The following SLIT2 variants were observed in gnomAD, a reference collection of about 807,000 sequenced individuals.
SLIT2 encodes the protein slit homolog 2 protein.
Under a neutral mutation model 185.7 loss-of-function variants are expected in SLIT2, and 41 were observed. The ratio of observed to expected loss-of-function variants is 0.22; its 90% CI spans 0.17 to 0.29. The LOEUF is 0.29. SLIT2 is among the 10% of genes least tolerant of loss of function. The pLI is 1.00. For synonymous variants in SLIT2, 693 were observed against 680.2 expected, an observed-to-expected ratio of 1.02 and a Z score of -0.29; for missense variants, 1,571 against 1,909.0, an observed-to-expected ratio of 0.82 and a Z score of 3.30.
intron 5 of SLIT2, among the ~76,000 whole-genome samples, chr4:20,472,296 A>ATATC (rs1715226896): frequency 5.1e-5 from 1 of 19,674 alleles, no homozygotes; most frequent in Non-Finnish European, 7.5e-5. Flanking sequence ...AGATATATAG[A>ATATC]TATATAGATC....
intron 11 of SLIT2, among the ~76,000 whole-genome samples, chr4:20,515,880 A>T (rs933312592): frequency 1.3e-5 from 2 of 152,128 alleles, no homozygotes; most frequent in African/African-American, 4.8e-5. Flanking sequence ...CAATGGCGCA[A>T]TCTCGGCTCA....
intron 4 of SLIT2, among the ~76,000 whole-genome samples, chr4:20,402,708 C>G (rs560554401): frequency 6.6e-6 from 1 of 151,508 alleles, no homozygotes. Context: ...CAATTTGCCT[C>G]GAGTATTTAA....
At chr4:20,352,567 A>G (rs770306305) in intron 4 of SLIT2, among the ~76,000 whole-genome samples, 4 of 152,190 alleles carry the variant, frequency 2.6e-5, no homozygotes, top group Non-Finnish European at 5.9e-5. Flanking sequence ...CAAATTTATT[A>G]GGGCTCAAGG....
chr4:20,533,082 T>A (rs577621413), intron 17 of SLIT2, among the ~76,000 whole-genome samples: 1 of 152,320 alleles, frequency 6.6e-6, no homozygotes, highest in East Asian at 1.9e-4. Flanking sequence ...GTTAATTTGG[T>A]TGTTTCAACA....
rs888974135 is a variant in SLIT2 at position 20,448,872 on chromosome 4, G to C, written c.396-18880G>C. Among the ~76,000 whole-genome samples, 8 of 152,062 alleles carry C rather than the reference G, an allele frequency of 5.3e-5. No homozygotes were observed. The East Asian group carries it at 1.6e-3, about 29-fold the overall frequency. On this transcript the variant is annotated intron_variant, in intron 4 of 36. Coordinates refer to ENST00000504154, the MANE Select transcript of SLIT2 (RefSeq NM_004787.4). ...AGGATGGTCTCGATCTCTTGACCTCGTGATCCACCTGCCTCAGACTCCCAA... is the reference window on the plus strand; with the variant it reads ...AGGATGGTCTCGATCTCTTGACCTCCTGATCCACCTGCCTCAGACTCCCAA...
At chr4:20,353,995 C>T (rs948844664) in intron 4 of SLIT2, among the ~76,000 whole-genome samples, 6 of 152,016 alleles carry the variant, frequency 3.9e-5, no homozygotes, top group African/African-American at 1.4e-4. Flanking sequence ...ATGTTCATTG[C>T]GTAGGATAAA....
At chr4:20,541,418 G>A (rs1424304605) in intron 19 of SLIT2, 35 bp from the exon 20 acceptor site, 1 of 1,606,250 alleles carries the variant, frequency 6.2e-7, no homozygotes, top group Admixed American at 1.7e-5. Flanking sequence ...TGAAACCCCA[G>A]GCTAAACTGT....
At chr4:20,266,532 A>T (rs1166489516) in intron 3 of SLIT2, among the ~76,000 whole-genome samples, 1 of 152,012 alleles carries the variant, frequency 6.6e-6, no homozygotes, top group East Asian at 1.9e-4. Context: ...GCTGAAATAT[A>T]TCAAAATACT....
chr4:20,489,575 A>G (rs1717588122), intron 8 of SLIT2, among the ~76,000 whole-genome samples: 1 of 152,050 alleles, frequency 6.6e-6, no homozygotes, highest in Non-Finnish European at 1.5e-5. Context: ...CCAGAGGTCA[A>G]GAGTTCCAGA....
chr4:20,526,257 T>G (rs1721281777), intron 15 of SLIT2, among the ~76,000 whole-genome samples: 1 of 152,186 alleles, frequency 6.6e-6, no homozygotes, highest in Non-Finnish European at 1.5e-5. Context: ...TTTATGGATT[T>G]AGTAGATTTG....
intron 4 of SLIT2, among the ~76,000 whole-genome samples, chr4:20,345,631 G>A (rs566517426): frequency 4.9e-4 from 73 of 150,184 alleles, no homozygotes; most frequent in African/African-American, 1.4e-3. Flanking sequence ...CACCTCCCGG[G>A]ATCAAGCAAT....
chr4:20,354,527 A>C (rs925934924), intron 4 of SLIT2, among the ~76,000 whole-genome samples: 2 of 152,174 alleles, frequency 1.3e-5, no homozygotes, highest in African/African-American at 2.4e-5. Context: ...GGCACTAAAA[A>C]TGTTCCAAAG....
At position 20,518,557 on chromosome 4, in the gene SLIT2, G is replaced by GTGTATATA. The variant is rs1271279922; in HGVS notation, c.1059-824_1059-823insGTATATAT. Among the ~76,000 whole-genome samples the GTGTATATA allele has an allele frequency of 4.4e-3, 78 of 17,864 alleles. 13 individuals are homozygous for GTGTATATA. The highest frequency in any genetic ancestry group is 0.019 in the East Asian group (10 of 540). The allele number at this position is 17,864 out of a possible 152,430, so 11.7% of individuals were successfully genotyped here. ...ATGAGCCACTGTGCCCAGCCTATAT[G>GTGTATATA]TATATATATATATATATATATATAT... On this transcript the variant is annotated intron_variant, in intron 11 of 36. Coordinates refer to ENST00000504154, the MANE Select transcript of SLIT2 (RefSeq NM_004787.4).
chr4:20,472,265 TAG>T (rs370244802), intron 5 of SLIT2, among the ~76,000 whole-genome samples: 7,080 of 64,142 alleles, frequency 0.11, 1,309 homozygotes, highest in East Asian at 0.37. Flanking sequence ...GATCTATATA[TAG>T]ATATATATCT....
At chr4:20,383,982 T>C (rs1225989286) in intron 4 of SLIT2, among the ~76,000 whole-genome samples, 1 of 152,052 alleles carries the variant, frequency 6.6e-6, no homozygotes, top group African/African-American at 2.4e-5. Flanking sequence ...CTGGGATTAC[T>C]GGCATGATCC....
intron 4 of SLIT2, among the ~76,000 whole-genome samples, chr4:20,408,393 G>A (rs975977998): frequency 1.3e-5 from 2 of 151,968 alleles, no homozygotes; most frequent in African/African-American, 2.4e-5. Flanking sequence ...CCATTAATTT[G>A]TCTGTTTGAA....
chr4:20,340,636 T>G (rs1284842365), intron 4 of SLIT2, among the ~76,000 whole-genome samples: 6 of 152,292 alleles, frequency 3.9e-5, no homozygotes, highest in Non-Finnish European at 1.5e-5. Context: ...AGTCTCGCTC[T>G]GTCCCCCGGG....
intron 3 of SLIT2, among the ~76,000 whole-genome samples, chr4:20,262,200 G>T (rs567694870): frequency 3.3e-5 from 5 of 151,894 alleles, no homozygotes; most frequent in African/African-American, 1.2e-4. Flanking sequence ...TAATGAGATG[G>T]TATGTAAAAG....
intron 20 of SLIT2, 130 bp from the exon 21 acceptor site, chr4:20,542,364 T>C: frequency 1.1e-6 from 1 of 880,334 alleles, no homozygotes; most frequent in Non-Finnish European, 1.8e-6. Flanking sequence ...AAATACTGAA[T>C]GTCCCGCAAA....
Sources: allele counts gnomAD v4.1 joint callset (sites outside exome capture counted in the v4.1 genomes callset), GRCh38; gene constraint gnomAD v4.1.1; transcripts MANE v1.5; gene names NCBI Gene and HGNC (gene_info 2026-07-23, HGNC 2026-07-21).